The following KCNN2 variants were observed in gnomAD, a reference collection of about 807,000 sequenced individuals.
KCNN2 encodes the protein potassium calcium-activated channel subfamily N member 2, also known as small conductance calcium-activated potassium channel protein 2.
A neutral mutation model predicts 55.5 loss-of-function variants in KCNN2; 24 were observed. That is an observed-to-expected ratio of 0.43 (90% CI 0.31 to 0.61). KCNN2 has a LOEUF of 0.61. Ranked by LOEUF, KCNN2 falls within the 20% of genes least tolerant of loss-of-function variation. The pLI is 0.08. For missense variants in KCNN2, 754 were observed against 853.6 expected (o/e 0.88, Z 1.45); for synonymous variants, 431 against 336.1 (o/e 1.28, Z -3.09).
chr5:114,124,828 C>T (rs1389892370), intron 1 of KCNN2, among the ~76,000 whole-genome samples: 3 of 152,166 alleles, frequency 2.0e-5, no homozygotes, highest in South Asian at 2.1e-4. Context: ...AATTGGTATA[C>T]ACCTCCAATA....
At chr5:114,328,572 T>A (rs182562433) in intron 2 of KCNN2, among the ~76,000 whole-genome samples, 2 of 152,266 alleles carry the variant, frequency 1.3e-5, no homozygotes, top group African/African-American at 2.4e-5. Context: ...AAGATCTTAG[T>A]ACCAAGCAGT....
chr5:114,391,317 C>A (rs1758445958), intron 2 of KCNN2, among the ~76,000 whole-genome samples: 1 of 152,088 alleles, frequency 6.6e-6, no homozygotes, highest in African/African-American at 2.4e-5. Context: ...CATTTGGTCA[C>A]TTTTACTAGG....
At chr5:114,076,540 A>G (rs1401591762) in intron 1 of KCNN2, among the ~76,000 whole-genome samples, 3 of 152,232 alleles carry the variant, frequency 2.0e-5, no homozygotes, top group African/African-American at 4.8e-5. Flanking sequence ...GCCAAATCCC[A>G]TGACATGAGT....
At chr5:114,490,294 T>A (rs758725441) in intron 6 of KCNN2, among the ~76,000 whole-genome samples, 5 of 152,178 alleles carry the variant, frequency 3.3e-5, no homozygotes, top group African/African-American at 1.2e-4. Flanking sequence ...GGAAAAGATG[T>A]ACCCCCCCAA....
At chr5:114,313,762 T>A (rs370371263) in intron 2 of KCNN2, among the ~76,000 whole-genome samples, 46 of 152,292 alleles carry the variant, frequency 3.0e-4, no homozygotes, top group African/African-American at 1.1e-3. Flanking sequence ...GAAGACAGGC[T>A]TTTGCAGCTA....
In KCNN2 at chr5:114,362,988, C is replaced by G. The variant is rs141148425; in HGVS notation, c.849C>G (p.Pro283=). ...SSAPEIVVSK[P]EHNNSNNLAL... ...CCCCCGAGATCGTGGTGTCTAAGCC[C>G]GAGCACAACAACTCCAACAACCTGG... Residue 283 remains proline, a synonymous_variant, in exon 1 of 8, where the codon CCC becomes CCG. Coordinates refer to ENST00000673685, the MANE Select transcript of KCNN2 (RefSeq NM_021614.4). 6.0e-5 allele frequency: 96 copies of G among 1,592,214 alleles called. No homozygotes were observed. In the South Asian group the frequency reaches 9.1e-4, roughly 15 times the overall value.
intron 1 of KCNN2, among the ~76,000 whole-genome samples, chr5:114,154,676 A>G (rs1318763374): frequency 2.0e-5 from 3 of 152,164 alleles, no homozygotes; most frequent in African/African-American, 7.2e-5. Context: ...GGGTTGTTAA[A>G]CAAGATGTTT....
chr5:114,227,574 A>AGGAG (rs1754261888), intron 2 of KCNN2, among the ~76,000 whole-genome samples: 1 of 152,196 alleles, frequency 6.6e-6, no homozygotes, highest in South Asian at 2.1e-4. Flanking sequence ...TGTCCTCCAG[A>AGGAG]GCACCATCAT....
chr5:114,387,331 T>G (rs1758317391), intron 2 of KCNN2, among the ~76,000 whole-genome samples: 1 of 152,190 alleles, frequency 6.6e-6, no homozygotes, highest in South Asian at 2.1e-4. Flanking sequence ...GGGAAGTAAC[T>G]ATTAATGTAA....
At chr5:114,337,815 A>C (rs1756947406) in intron 2 of KCNN2, among the ~76,000 whole-genome samples, 1 of 152,170 alleles carries the variant, frequency 6.6e-6, no homozygotes, top group African/African-American at 2.4e-5. Context: ...CGGTCCAACT[A>C]GTTTTGTCTT....
chr5:114,210,758 A>G (rs1443252993), intron 1 of KCNN2, among the ~76,000 whole-genome samples: 1 of 152,206 alleles, frequency 6.6e-6, no homozygotes, highest in Non-Finnish European at 1.5e-5. Flanking sequence ...TTATGCCTCA[A>G]TTATTAGAAA....
At chr5:114,266,720 A>T (rs1444864458) in intron 2 of KCNN2, among the ~76,000 whole-genome samples, 1 of 152,196 alleles carries the variant, frequency 6.6e-6, no homozygotes, top group Non-Finnish European at 1.5e-5. Flanking sequence ...CACACTTTAT[A>T]GAAGTTTCTT....
At chr5:114,438,016 T>G (rs1760067718) in intron 3 of KCNN2, among the ~76,000 whole-genome samples, 1 of 149,118 alleles carries the variant, frequency 6.7e-6, no homozygotes, top group African/African-American at 2.5e-5. Flanking sequence ...AAGCCCCACT[T>G]TATCTACACC....
At chr5:114,437,576 G>T (rs1760052892) in intron 3 of KCNN2, among the ~76,000 whole-genome samples, 1 of 152,178 alleles carries the variant, frequency 6.6e-6, no homozygotes, top group African/African-American at 2.4e-5. Flanking sequence ...GCTAAAAGTA[G>T]AAAATAAAAA....
chr5:114,399,998 T>G (rs1671780509), intron 2 of KCNN2, among the ~76,000 whole-genome samples: 2 of 151,842 alleles, frequency 1.3e-5, no homozygotes, highest in African/African-American at 4.8e-5. Flanking sequence ...TTGTGATTAT[T>G]TGGATCTTCT....
chr5:114,475,899 A>G (rs895439731), intron 5 of KCNN2, among the ~76,000 whole-genome samples: 1 of 152,042 alleles, frequency 6.6e-6, no homozygotes. Flanking sequence ...TATACTTTAA[A>G]CTTCCTTTGG....
chr5:114,408,138 G>T (rs1758999651), intron 3 of KCNN2, among the ~76,000 whole-genome samples: 1 of 151,788 alleles, frequency 6.6e-6, no homozygotes, highest in Non-Finnish European at 1.5e-5. Flanking sequence ...CACCACTGTT[G>T]CCACAGAATT....
At chr5:114,265,709 G>C (rs975915325) in intron 2 of KCNN2, among the ~76,000 whole-genome samples, 1 of 152,096 alleles carries the variant, frequency 6.6e-6, no homozygotes, top group African/African-American at 2.4e-5. Flanking sequence ...CAAGTCACCC[G>C]CACAGACACA....
At chr5:114,158,574 A>C (rs1303724993) in intron 1 of KCNN2, among the ~76,000 whole-genome samples, 2 of 151,902 alleles carry the variant, frequency 1.3e-5, no homozygotes, top group Non-Finnish European at 2.9e-5. Context: ...ATGGCATTGA[A>C]TCTATAAATT....
Sources: allele counts gnomAD v4.1 joint callset (sites outside exome capture counted in the v4.1 genomes callset), GRCh38; gene constraint gnomAD v4.1.1; transcripts MANE v1.5; gene names NCBI Gene and HGNC (gene_info 2026-07-23, HGNC 2026-07-21).